The following AFF1 variants were observed in gnomAD, a reference collection of about 807,000 sequenced individuals.
The protein encoded by AFF1 is AF4/FMR2 family member 1.
Under a neutral mutation model 121.7 loss-of-function variants are expected in AFF1, and 48 were observed. The observed-to-expected ratio is 0.39, with a 90% confidence interval of 0.31 to 0.50. The LOEUF is 0.50. Among genes scored for constraint, AFF1 ranks in the 20% least tolerant of loss-of-function variants. AFF1 has a pLI of 0.76. For missense variants in AFF1, 1,523 were observed against 1,511.7 expected (o/e 1.01, Z -0.12); for synonymous variants, 613 against 563.0 (o/e 1.09, Z -1.26).
intron 2 of AFF1, among the ~76,000 whole-genome samples, chr4:87,037,989 A>G (rs563368977): frequency 1.7e-5 from 2 of 117,096 alleles, no homozygotes; most frequent in South Asian, 7.7e-4. Context: ...TAAATACTAT[A>G]ATAAATTATA....
intron 2 of AFF1, among the ~76,000 whole-genome samples, chr4:86,999,831 C>G (rs930728712): frequency 6.6e-6 from 1 of 152,064 alleles, no homozygotes; most frequent in Non-Finnish European, 1.5e-5. Flanking sequence ...AGAAGCTTGG[C>G]AGTGATGGCA....
At chr4:87,074,808 A>G (rs1194937935) in intron 4 of AFF1, among the ~76,000 whole-genome samples, 1 of 152,242 alleles carries the variant, frequency 6.6e-6, no homozygotes, top group African/African-American at 2.4e-5. Context: ...AAATCAGTGA[A>G]TCCAGCATTG....
chr4:87,118,398 G>A (rs1179190203), intron 12 of AFF1, among the ~76,000 whole-genome samples: 1 of 152,222 alleles, frequency 6.6e-6, no homozygotes. Context: ...ATGACCTCAC[G>A]TCGTGTTCTT....
At chr4:86,997,605 A>T (rs2149515421) in intron 2 of AFF1, among the ~76,000 whole-genome samples, 1 of 151,690 alleles carries the variant, frequency 6.6e-6, no homozygotes, top group South Asian at 2.1e-4. Context: ...TACTAAAAAT[A>T]CAAAAAATTA....
rs1729504471 is a variant in AFF1, at chr4:87,138,839, T to TTA, written c.*3140_*3141dup. Reference sequence around the variant, plus strand: ...ATTTTGTAACAAAAAGACCTTCATATTATCTGTTTTGACCAAAATATGTAG... The same window carrying TTA: ...ATTTTGTAACAAAAAGACCTTCATATTATATCTGTTTTGACCAAAATATGTAG... On this transcript the variant is annotated 3_prime_UTR_variant, in exon 21 of 21. Transcript: ENST00000395146. 1 of 228,896 alleles carries TTA rather than the reference T, an allele frequency of 4.4e-6. No homozygotes were observed. Among genetic ancestry groups the TTA allele is most frequent in the South Asian group, 1.8e-4 (1 of 5,490 alleles). 14.2% of individuals were successfully genotyped at this position (228,896 alleles called of 1,614,324 possible).
intron 2 of AFF1, among the ~76,000 whole-genome samples, chr4:87,021,591 A>G (rs1460979379): frequency 1.3e-5 from 2 of 152,232 alleles, no homozygotes; most frequent in Non-Finnish European, 1.5e-5. Flanking sequence ...TGGAAATAAT[A>G]GATGTAATTT....
At chr4:87,123,090 C>T (rs1308822874) in intron 12 of AFF1, among the ~76,000 whole-genome samples, 2 of 152,030 alleles carry the variant, frequency 1.3e-5, no homozygotes, top group Non-Finnish European at 1.5e-5. Flanking sequence ...GATGGAGTTT[C>T]ACAATGTTGG....
chr4:86,983,575 A>C (rs1723951718), intron 2 of AFF1, among the ~76,000 whole-genome samples: 1 of 152,000 alleles, frequency 6.6e-6, no homozygotes, highest in African/African-American at 2.4e-5. Context: ...AATATAAAAA[A>C]TTAGCTGGGC....
chr4:87,049,099 G>T (rs895700599), intron 4 of AFF1, among the ~76,000 whole-genome samples: 37 of 139,616 alleles, frequency 2.7e-4, no homozygotes, highest in South Asian at 2.4e-4. Context: ...AAAAAAAGGG[G>T]GGGGGGGGAC....
intron 2 of AFF1, among the ~76,000 whole-genome samples, chr4:86,974,801 A>G (rs889684881): frequency 3.2e-4 from 48 of 152,226 alleles, no homozygotes; most frequent in African/African-American, 1.1e-3. Flanking sequence ...AGCTTTGGTG[A>G]CTAAAACGGG....
intron 2 of AFF1, among the ~76,000 whole-genome samples, chr4:87,003,695 T>C (rs1164649777): frequency 1.3e-5 from 2 of 152,212 alleles, no homozygotes; most frequent in Non-Finnish European, 2.9e-5. Context: ...TTTTCAGCAA[T>C]TATGTCTGAT....
chr4:86,984,739 C>G (rs924761773), intron 2 of AFF1, among the ~76,000 whole-genome samples: 2 of 151,982 alleles, frequency 1.3e-5, no homozygotes, highest in African/African-American at 4.8e-5. Flanking sequence ...AGTTTGACAT[C>G]AGCCTGCGAA....
chr4:86,995,924 GC>G (rs1725132594), intron 2 of AFF1, among the ~76,000 whole-genome samples: 1 of 140,640 alleles, frequency 7.1e-6, no homozygotes, highest in South Asian at 2.4e-4. Context: ...CTGCCCTGCC[GC>G]CCCGTCCGGG....
At chr4:87,107,164 A>G (rs921830819) in intron 10 of AFF1, among the ~76,000 whole-genome samples, 3 of 152,234 alleles carry the variant, frequency 2.0e-5, no homozygotes, top group African/African-American at 7.2e-5. Context: ...TGTGTGTTTT[A>G]AAGTTACCTC....
At chr4:87,117,490 C>T (rs544013794) in intron 12 of AFF1, among the ~76,000 whole-genome samples, 1 of 152,172 alleles carries the variant, frequency 6.6e-6, no homozygotes, top group African/African-American at 2.4e-5. Flanking sequence ...ATCCCCAACC[C>T]CCATTGGTAT....
intron 2 of AFF1, among the ~76,000 whole-genome samples, chr4:87,040,204 T>C (rs1329675591): frequency 9.9e-5 from 15 of 152,144 alleles, no homozygotes; most frequent in Admixed American, 9.8e-4. Flanking sequence ...CCACAGTTTT[T>C]ATAACTGAAA....
chr4:87,007,243 C>T, intron 2 of AFF1: 3 of 1,485,324 alleles, frequency 2.0e-6, no homozygotes, highest in South Asian at 1.4e-5. Flanking sequence ...GGGGCTGCGC[C>T]GAGGACGCCC....
intron 2 of AFF1, among the ~76,000 whole-genome samples, chr4:86,978,941 G>A (rs1723516041): frequency 6.6e-6 from 1 of 152,094 alleles, no homozygotes; most frequent in Admixed American, 6.6e-5. Flanking sequence ...GTTTTGACCA[G>A]GTATAACTCT....
At chr4:87,115,574 A>G (rs1157996155) in intron 12 of AFF1, among the ~76,000 whole-genome samples, 1 of 142,180 alleles carries the variant, frequency 7.0e-6, no homozygotes, top group East Asian at 2.2e-4. Flanking sequence ...TTCTTTTAGG[A>G]TAATGTAGCA....
Sources: allele counts gnomAD v4.1 joint callset (sites outside exome capture counted in the v4.1 genomes callset), GRCh38; gene constraint gnomAD v4.1.1; transcripts MANE v1.5; gene names NCBI Gene and HGNC (gene_info 2026-07-23, HGNC 2026-07-21).